RCBTB2: variants seen among roughly 807,000 people sequenced by gnomAD.
The protein encoded by RCBTB2 is RCC1 and BTB domain containing protein 2.
In RCBTB2, 55 loss-of-function variants were observed where a neutral mutation model predicts 65.4. The ratio of observed to expected loss-of-function variants is 0.84; its 90% confidence interval spans 0.68 to 1.05. RCBTB2 has a LOEUF of 1.05. RCBTB2 is among the 50% of genes least tolerant of loss of function. The pLI is 0.00. For synonymous variants in RCBTB2, 220 were observed against 255.2 expected, an observed-to-expected ratio of 0.86 and a Z score of 1.31; for missense variants, 599 against 680.1, an observed-to-expected ratio of 0.88 and a Z score of 1.33.
At chr13:48,498,158 G>T (rs1022446597) in intron 13 of RCBTB2, among the ~76,000 whole-genome samples, 2 of 152,220 alleles carry the variant, frequency 1.3e-5, no homozygotes, top group African/African-American at 2.4e-5. Context: ...GCAAGCTAGG[G>T]TGCCCACACA....
rs764246595 is a variant in RCBTB2 at position 48,502,775 on chromosome 13, C to T, written c.1066G>A (p.Val356Met). 32 of 1,613,750 alleles carry T rather than the reference C, an allele frequency of 2.0e-5. No individual in the cohort carries two copies. The highest frequency in any genetic ancestry group is 5.0e-5 in the Admixed American group (3 of 59,984). ...GCGGGCGTGGCAAAGCAGGCAAACACGTCGTCAGTGCAGGAGAAGTGGGTG... is the reference window on the plus strand; with the variant it reads ...GCGGGCGTGGCAAAGCAGGCAAACATGTCGTCAGTGCAGGAGAAGTGGGTG... ...HLTHFSCTDD[V>M]FACFATPAVT... The change falls in exon 11 of 15, where the codon GTG becomes ATG. Residue 356 changes from valine (V) to methionine (M), a missense_variant. Transcript: ENST00000344532.
chr13:48,527,211 C>T (rs1951789262), intron 1 of RCBTB2, among the ~76,000 whole-genome samples: 2 of 150,058 alleles, frequency 1.3e-5, no homozygotes, highest in Non-Finnish European at 3.0e-5. Flanking sequence ...ATAAGATCAT[C>T]TCATATCATC....
At chr13:48,500,688 G>T (rs964321121) in intron 12 of RCBTB2, among the ~76,000 whole-genome samples, 4 of 152,302 alleles carry the variant, frequency 2.6e-5, no homozygotes, top group Admixed American at 6.5e-5. Flanking sequence ...CAGCAGCTAG[G>T]AAAGAGGCAG....
rs912559107 is a variant in RCBTB2, at chr13:48,511,978, A to G, written c.675+38T>C. The stretch of plus-strand genomic sequence containing the variant: ...TACTGGCATGAGACTGATGTGGCAA[A>G]CACGGTTTTTAAACAAGATGTAAAA... On this transcript the variant is annotated intron_variant, in intron 8 of 14. Transcript: ENST00000344532. The G allele has an allele frequency of 3.7e-6, 6 of 1,608,868 alleles. No homozygotes were observed. The African/African-American group carries it at 5.3e-5, about 14-fold the overall frequency.
intron 1 of RCBTB2, 111 bp downstream of exon 1, chr13:48,532,917 G>T (rs1043922770): frequency 1.3e-5 from 6 of 448,140 alleles, no homozygotes; most frequent in Admixed American, 1.2e-4. Context: ...TGGCGGGGAG[G>T]TCGGGCCGCA....
At chr13:48,505,363 GT>G (rs1480217145) in intron 10 of RCBTB2, among the ~76,000 whole-genome samples, 1 of 152,172 alleles carries the variant, frequency 6.6e-6, no homozygotes, top group Non-Finnish European at 1.5e-5. Context: ...TGTATTTCTA[GT>G]GATCAATTCA....
chr13:48,533,211 C>G (rs1255827301), upstream of RCBTB2: 1 of 337,950 alleles, frequency 3.0e-6, no homozygotes. Flanking sequence ...GGGCTGGCGA[C>G]GGCGTCTCGC....
chr13:48,515,828 T>C (rs1164749437), intron 4 of RCBTB2, 87 bp from the exon 5 acceptor site: 6 of 1,336,852 alleles, frequency 4.5e-6, no homozygotes, highest in African/African-American at 3.0e-5. Context: ...GGGCGAACAC[T>C]GGTTTTGGGA....
In RCBTB2 at chr13:48,531,503, A is replaced by G. The variant is rs145951611; in HGVS notation, c.-219+1525T>C. Among the ~76,000 whole-genome samples, 1,509 of 152,330 alleles carry G rather than the reference A, an allele frequency of 9.9e-3. 35 individuals are homozygous for G. Among genetic ancestry groups the G allele is most frequent in the African/African-American group, 0.034 (1,432 of 41,568 alleles). On this transcript the variant is annotated intron_variant, in intron 1 of 14. Transcript: ENST00000344532. ...TGATGGCAATTGTTTCAAGACTTAA[A>G]TAAAGTTCTGTGCCATGCAGATTTG...
At chr13:48,501,666 C>A (rs1424756200) in intron 12 of RCBTB2, 76 bp downstream of exon 12, 1 of 1,285,760 alleles carries the variant, frequency 7.8e-7, no homozygotes, top group East Asian at 2.3e-5. Context: ...ACTGAGGTGC[C>A]TAATATAGTT....
intron 14 of RCBTB2, 129 bp from the exon 15 acceptor site, chr13:48,490,380 A>C: frequency 1.4e-6 from 1 of 693,422 alleles, no homozygotes; most frequent in Non-Finnish European, 2.4e-6. Flanking sequence ...AAATGATGGC[A>C]TGGTAATACC....
At position 48,490,085 on chromosome 13, in the gene RCBTB2, G is replaced by T. The variant is rs9332076; in HGVS notation, c.*26C>A. On this transcript the variant is annotated 3_prime_UTR_variant, in exon 15 of 15. Transcript: ENST00000344532. ...TGGCTTTTGCAGGGGAAATGGAAAG[G>T]CTCAAAAACTTTCCTGCAGATGGGA... 750 of 1,612,826 alleles carry T rather than the reference G, an allele frequency of 4.7e-4. 4 individuals carry two copies. The African/African-American group carries it at 8.8e-3, about 19-fold the overall frequency.
intron 14 of RCBTB2, among the ~76,000 whole-genome samples, chr13:48,495,201 C>T (rs1478645375): frequency 6.6e-6 from 1 of 151,698 alleles, no homozygotes; most frequent in South Asian, 2.1e-4. Context: ...GTTTTCTTTC[C>T]TTTCTTTATT....
intron 12 of RCBTB2, among the ~76,000 whole-genome samples, chr13:48,500,288 G>A (rs1028015659): frequency 3.2e-4 from 48 of 152,132 alleles, no homozygotes; most frequent in Admixed American, 3.9e-4. Context: ...GACAGGGCGC[G>A]GTGGCTCACG....
chr13:48,507,502 T>G (rs1446209879), intron 10 of RCBTB2, among the ~76,000 whole-genome samples: 1 of 152,218 alleles, frequency 6.6e-6, no homozygotes, highest in Non-Finnish European at 1.5e-5. Flanking sequence ...ATGTTGATAA[T>G]AAACAGGTTT....
At position 48,512,017 on chromosome 13, in the gene RCBTB2, T is replaced by A. The variant is rs76300783; in HGVS notation, c.674A>T (p.Glu225Val). 1.7e-5 allele frequency: 28 copies of A among 1,612,984 alleles called. No individual in the cohort carries two copies. Among genetic ancestry groups the A allele is most frequent in the Non-Finnish European group, 2.4e-5 (28 of 1,179,140 alleles). ...MCCMAVVDTG[E>V]VYVWGYNGNG... The stretch of plus-strand genomic sequence containing the variant: ...CAAGATGTAAAATAACTTCCTTACC[T>A]CCCCCGTGTCTACTACTGCCATGCA... Residue 225 changes from glutamate to valine, a missense_variant and splice_region_variant, in exon 8 of 15, where the codon GAG becomes GTG. By Grantham distance (121) the Glu-to-Val change is moderately radical. Coordinates refer to ENST00000344532, the MANE Select transcript of RCBTB2 (RefSeq NM_001268.4).
In RCBTB2 at chr13:48,512,731, C is replaced by A; in HGVS notation, c.514G>T (p.Glu172Ter). ...AGCTTTATGCTGACTGTTCTCACCTCTCCATCAGATGTTAGCACCAAAGAA... is the reference window on the plus strand; with the variant it reads ...AGCTTTATGCTGACTGTTCTCACCTATCCATCAGATGTTAGCACCAAAGAA... ...YHSLVLTSDG[E>*]VFAWGYNNSG... The change falls in exon 7 of 15, where the codon GAG (glutamate) becomes TAG (stop). Residue 172 changes from glutamate (E) to a stop codon, truncating the protein, a stop_gained and splice_region_variant. Coordinates refer to ENST00000344532, the MANE Select transcript of RCBTB2 (RefSeq NM_001268.4). LOFTEE classifies it high-confidence loss of function. 6.2e-7 allele frequency: 1 copy of A among 1,613,644 alleles called. No individual in the cohort carries two copies. The highest frequency in any genetic ancestry group is 8.5e-7 in the Non-Finnish European group (1 of 1,179,630).
At chr13:48,517,944 CGA>C (rs538200400) in intron 4 of RCBTB2, among the ~76,000 whole-genome samples, 138 of 152,126 alleles carry the variant, frequency 9.1e-4, no homozygotes, top group African/African-American at 3.3e-3. Context: ...TAAAAGAAGA[CGA>C]GAGGGCACAC....
chr13:48,505,050 CTT>C (rs533831016), intron 10 of RCBTB2, among the ~76,000 whole-genome samples: 15 of 138,252 alleles, frequency 1.1e-4, no homozygotes, highest in East Asian at 2.0e-4. Context: ...TTATTTCTTT[CTT>C]TTTTTTTTTT....
Sources: allele counts gnomAD v4.1 joint callset (sites outside exome capture counted in the v4.1 genomes callset), GRCh38; gene constraint gnomAD v4.1.1; transcripts MANE v1.5; gene names NCBI Gene and HGNC (gene_info 2026-07-23, HGNC 2026-07-21).